The following MME variants were observed in gnomAD, a reference collection of about 807,000 sequenced individuals.
MME encodes neprilysin.
Under a neutral mutation model 113.2 loss-of-function variants are expected in MME, and 98 were observed. That is an observed-to-expected ratio of 0.87 (90% CI 0.74 to 1.02). The LOEUF is 1.02. MME is among the 50% of genes least tolerant of loss of function. The pLI is 0.00. For synonymous variants in MME, 292 were observed against 300.6 expected, an observed-to-expected ratio of 0.97 and a Z score of 0.30; for missense variants, 836 against 896.0, an observed-to-expected ratio of 0.93 and a Z score of 0.86.
At chr3:155,104,476 G>A (rs1217007344) in intron 3 of MME, among the ~76,000 whole-genome samples, 1 of 152,170 alleles carries the variant, frequency 6.6e-6, no homozygotes, top group Non-Finnish European at 1.5e-5. Context: ...GGCAGCATTC[G>A]AGAAGCACTG....
At chr3:155,168,376 G>A in intron 18 of MME, 116 bp from the exon 19 acceptor site, 1 of 933,808 alleles carries the variant, frequency 1.1e-6, no homozygotes, top group Non-Finnish European at 1.7e-6. Flanking sequence ...CTCATCGTCT[G>A]CCTAATTTAA....
At chr3:155,115,229 G>A (rs1718502273) in intron 4 of MME, 74 bp downstream of exon 4, 4 of 1,544,222 alleles carry the variant, frequency 2.6e-6, no homozygotes, top group Non-Finnish European at 3.6e-6. Context: ...ACAATTGTTA[G>A]CCATTACAAG....
intron 22 of MME, among the ~76,000 whole-genome samples, chr3:155,176,091 A>C (rs1042684404): frequency 2.6e-5 from 4 of 152,188 alleles, no homozygotes; most frequent in Admixed American, 2.0e-4. Flanking sequence ...CTTATTCCTG[A>C]ATGAAGGCAG....
chr3:155,133,346 G>A lies in MME; in HGVS notation c.721-4756G>A, dbSNP rs376976663. Among the ~76,000 whole-genome samples the A allele has an allele frequency of 1.3e-4, 20 of 151,188 alleles. 1 individual carries two copies. In the South Asian group the frequency reaches 3.7e-3, roughly 28 times the overall value. ...CATTAAAAGAAGTGGTATATTCCAT[G>A]TAGCTATATTAAATACTCGAGCATC... On this transcript the variant is annotated intron_variant, in intron 8 of 22. Coordinates refer to ENST00000360490, the MANE Select transcript of MME (RefSeq NM_007289.4).
rs781570758 is a variant in MME, at chr3:155,138,173, C to T, written c.792C>T (p.Ile264=). 2.5e-6 allele frequency: 4 copies of T among 1,613,184 alleles called. No homozygotes were observed. The highest frequency in any genetic ancestry group is 2.2e-5 in the East Asian group (1 of 44,830). The change falls in exon 9 of 23, where the codon ATC becomes ATT. Residue 264 remains isoleucine, a synonymous_variant. Coordinates refer to ENST00000360490, the MANE Select transcript of MME (RefSeq NM_007289.4). ...TTCGTCAGGAAGAAAGATTGCCCAT[C>T]GATGAAAACCAGCTTGCTTTGGAAA... ...RLIRQEERLP[I]DENQLALEMN...
At chr3:155,088,683 CAAAA>C (rs59288472) in intron 3 of MME, among the ~76,000 whole-genome samples, 3 of 86,690 alleles carry the variant, frequency 3.5e-5, no homozygotes, top group African/African-American at 4.7e-5. Flanking sequence ...AACTCCATCT[CAAAA>C]AAAAAAAAAA....
intron 1 of MME, among the ~76,000 whole-genome samples, chr3:155,042,922 A>ATATATATATATG (rs1713397599): frequency 3.1e-5 from 2 of 63,724 alleles, no homozygotes; most frequent in South Asian, 4.7e-4. Context: ...ATATATATAT[A>ATATATATATATG]TATATATATA....
intron 1 of MME, among the ~76,000 whole-genome samples, chr3:155,037,452 GGCAGTCTAGCTCCAGA>G (rs1713165092): frequency 6.6e-6 from 1 of 152,166 alleles, no homozygotes; most frequent in African/African-American, 2.4e-5. Context: ...TTCAAAGCCA[GGCAGTCTAGCTCCAGA>G]GCTTGTGCCT....
intron 1 of MME, among the ~76,000 whole-genome samples, chr3:155,036,279 A>G (rs1713124667): frequency 6.6e-6 from 1 of 152,242 alleles, no homozygotes; most frequent in Non-Finnish European, 1.5e-5. Context: ...GTTAGATATA[A>G]TTCACAATCA....
intron 1 of MME, among the ~76,000 whole-genome samples, chr3:155,071,904 G>A (rs1714574625): frequency 6.6e-6 from 1 of 152,158 alleles, no homozygotes; most frequent in South Asian, 2.1e-4. Flanking sequence ...GCTCACGCCT[G>A]TAATCCCAGC....
At chr3:155,156,293 C>T (rs1390609194) in intron 16 of MME, among the ~76,000 whole-genome samples, 1 of 152,096 alleles carries the variant, frequency 6.6e-6, no homozygotes, top group Admixed American at 6.6e-5. Flanking sequence ...TGGTTGTGTT[C>T]TACGTTGTAT....
rs963135542 is a variant in MME, at chr3:155,181,869, A to G, written c.*1410A>G. 6.6e-6 allele frequency: 1 copy of G among 152,214 alleles called. No homozygotes were observed. Among genetic ancestry groups the G allele is most frequent in the Non-Finnish European group, 1.5e-5 (1 of 68,034 alleles). The allele number at this position is 152,214 out of a possible 1,614,324, so 9.4% of individuals were successfully genotyped here. On this transcript the variant is annotated 3_prime_UTR_variant, in exon 23 of 23. Transcript: ENST00000360490. The stretch of plus-strand genomic sequence containing the variant: ...AGATGAAAGCAGGGAATTTCTATCT[A>G]AATGATGAGTATTAGTTCCCTGTCT...
chr3:155,156,157 C>T (rs942637485), intron 16 of MME, among the ~76,000 whole-genome samples: 14 of 152,142 alleles, frequency 9.2e-5, no homozygotes, highest in African/African-American at 2.9e-4. Context: ...TGGGAAGAGC[C>T]TGTGCTGTGG....
chr3:155,109,043 G>A lies in MME; in HGVS notation c.197-5951G>A, dbSNP rs80280220. Among the ~76,000 whole-genome samples the A allele has an allele frequency of 6.3e-3, 955 of 152,300 alleles. 7 individuals carry two copies. The highest frequency in any genetic ancestry group is 0.022 in the African/African-American group (904 of 41,566). ...GTGTCTAGCAGACCAATGGAATGCT[G>A]TGCCTCAAGTTTCTTCTGAGAGGCC... On this transcript the variant is annotated intron_variant, in intron 3 of 22. Transcript: ENST00000360490.
intron 3 of MME, among the ~76,000 whole-genome samples, chr3:155,094,906 G>C (rs1716602993): frequency 6.6e-6 from 1 of 152,180 alleles, no homozygotes; most frequent in South Asian, 2.1e-4. Context: ...GGTATTCAAT[G>C]CGTGGTCCAT....
chr3:155,136,500 T>C (rs774140888), intron 8 of MME, among the ~76,000 whole-genome samples: 33 of 152,198 alleles, frequency 2.2e-4, no homozygotes, highest in Non-Finnish European at 3.7e-4. Flanking sequence ...AGCAAATCCA[T>C]GGATAGCAAT....
chr3:155,145,606 G>T (rs1039835734), intron 14 of MME, among the ~76,000 whole-genome samples: 9 of 152,012 alleles, frequency 5.9e-5, no homozygotes, highest in African/African-American at 2.2e-4. Flanking sequence ...TGAGTAAATT[G>T]ATAAATTAAT....
At chr3:155,115,370 G>C (rs900776821) in intron 4 of MME, among the ~76,000 whole-genome samples, 1 of 152,148 alleles carries the variant, frequency 6.6e-6, no homozygotes, top group Non-Finnish European at 1.5e-5. Context: ...TCATTTGTAG[G>C]TATGCAAATA....
chr3:155,132,262 C>T (rs756085165), intron 8 of MME, among the ~76,000 whole-genome samples: 2 of 152,180 alleles, frequency 1.3e-5, no homozygotes, highest in African/African-American at 4.8e-5. Flanking sequence ...CTCTCTTCCT[C>T]TTTGGCAAAT....
Sources: allele counts gnomAD v4.1 joint callset (sites outside exome capture counted in the v4.1 genomes callset), GRCh38; gene constraint gnomAD v4.1.1; transcripts MANE v1.5; gene names NCBI Gene and HGNC (gene_info 2026-07-23, HGNC 2026-07-21).